Variants in SCUBE1 observed in about 807,000 individuals in gnomAD.
The protein encoded by SCUBE1 is signal peptide, CUB and EGF-like domain-containing protein 1.
Under a neutral mutation model 124.4 loss-of-function variants are expected in SCUBE1, and 59 were observed. The ratio of observed to expected loss-of-function variants is 0.47; its 90% CI spans 0.38 to 0.59. SCUBE1 has a LOEUF of 0.59. SCUBE1 is among the 20% of genes least tolerant of loss of function. The pLI, the probability that SCUBE1 is intolerant of heterozygous loss-of-function variation, is 0.00. For missense variants in SCUBE1, 1,150 were observed against 1,371.2 expected (o/e 0.84, Z 2.55); for synonymous variants, 545 against 550.9 (o/e 0.99, Z 0.15).
intron 3 of SCUBE1, among the ~76,000 whole-genome samples, chr22:43,306,304 A>T (rs1925967862): frequency 6.6e-6 from 1 of 152,030 alleles, no homozygotes; most frequent in African/African-American, 2.4e-5. Flanking sequence ...TTATTTATTT[A>T]TTTATTTTTT....
intron 4 of SCUBE1, 37 bp downstream of exon 4, chr22:43,291,009 G>C (rs769042618): frequency 4.0e-5 from 61 of 1,540,402 alleles, no homozygotes; most frequent in African/African-American, 1.6e-4. Flanking sequence ...GCCCATCCTG[G>C]GGGGGGACAT....
chr22:43,296,309 GCCTGCGTGTAGTGAGGCC>G (rs1925557715), intron 3 of SCUBE1, among the ~76,000 whole-genome samples: 1 of 152,250 alleles, frequency 6.6e-6, no homozygotes, highest in Non-Finnish European at 1.5e-5. Flanking sequence ...CCAGGGCTGA[GCCTGCGTGTAGTGAGGCC>G]CCTGAGTGGG....
chr22:43,209,327 G>A (rs1375548190), intron 19 of SCUBE1, among the ~76,000 whole-genome samples: 1 of 152,168 alleles, frequency 6.6e-6, no homozygotes, highest in East Asian at 1.9e-4. Context: ...CATGGAGCTC[G>A]CTCACATGGG....
At chr22:43,241,013 C>T (rs1305238173) in intron 6 of SCUBE1, among the ~76,000 whole-genome samples, 4 of 152,178 alleles carry the variant, frequency 2.6e-5, no homozygotes, top group Admixed American at 1.3e-4. Flanking sequence ...CGGGTCTCTG[C>T]GGAGGGGGAG....
chr22:43,220,123 T>C (rs1265167751), intron 14 of SCUBE1, among the ~76,000 whole-genome samples: 1 of 152,128 alleles, frequency 6.6e-6, no homozygotes, highest in Non-Finnish European at 1.5e-5. Context: ...GGCTCAACCA[T>C]TCTAGGGGGG....
At chr22:43,208,267 C>T in intron 19 of SCUBE1, 43 bp from the exon 20 acceptor site, 1 of 1,606,854 alleles carries the variant, frequency 6.2e-7, no homozygotes, top group South Asian at 1.1e-5. Flanking sequence ...AGGTAGGCAG[C>T]TCCTCCTGCC....
intron 14 of SCUBE1, among the ~76,000 whole-genome samples, chr22:43,219,620 C>T (rs962636732): frequency 3.9e-4 from 59 of 151,836 alleles, no homozygotes; most frequent in Non-Finnish European, 8.4e-4. Flanking sequence ...ATTACAGGTG[C>T]CTGCCACCAC....
chr22:43,300,682 C>T (rs5759267), intron 3 of SCUBE1, among the ~76,000 whole-genome samples: 7,639 of 152,096 alleles, frequency 0.05, 452 homozygotes, highest in East Asian at 0.29. Flanking sequence ...CTGTGGACAC[C>T]ACCTCCTTTC....
chr22:43,204,006 G>A lies in SCUBE1; in HGVS notation c.2958C>T (p.Pro986=). 6.2e-7 allele frequency: 1 copy of A among 1,614,156 alleles called. No homozygotes were observed. Among genetic ancestry groups the A allele is most frequent in the Non-Finnish European group, 8.5e-7 (1 of 1,180,004 alleles). The change falls in exon 22 of 22, where the codon CCC becomes CCT. Residue 986 remains proline (P), a synonymous_variant. Coordinates refer to ENST00000360835, the MANE Select transcript of SCUBE1 (RefSeq NM_173050.5). ...LRSKVSRFLR[P]YK ...GGGCCGCTCCCCCCGGTTATTTGTAGGGCCGCAGGAACCGAGACACTTTGG... is the reference window on the plus strand; with the variant it reads ...GGGCCGCTCCCCCCGGTTATTTGTAAGGCCGCAGGAACCGAGACACTTTGG...
At chr22:43,284,508 C>T (rs1265482728) in intron 4 of SCUBE1, among the ~76,000 whole-genome samples, 1 of 152,254 alleles carries the variant, frequency 6.6e-6, no homozygotes, top group Admixed American at 6.5e-5. Flanking sequence ...GTCCCAGAAC[C>T]TTCCCCATTG....
chr22:43,339,198 ATCTGTGCCC>A lies in SCUBE1; in HGVS notation c.117_125del (p.Glu39_Thr41del). The A allele has an allele frequency of 6.2e-7, 1 of 1,613,824 alleles. No individual in the cohort carries two copies. The highest frequency in any genetic ancestry group is 8.5e-7 in the Non-Finnish European group (1 of 1,179,784). On this transcript the variant is annotated inframe_deletion, in exon 2 of 22. Transcript: ENST00000360835. Reference sequence around the variant, plus strand: ...GACAGATGGCATCGATGTGGCAGTCATCTGTGCCCTCTGAGCACTCATCCACGTCGACTG... The same window carrying A: ...GACAGATGGCATCGATGTGGCAGTCATCTGAGCACTCATCCACGTCGACTG...
chr22:43,294,028 C>T (rs1925469371), intron 3 of SCUBE1, among the ~76,000 whole-genome samples: 1 of 152,154 alleles, frequency 6.6e-6, no homozygotes, highest in African/African-American at 2.4e-5. Context: ...GCTGTTTACT[C>T]TACTAGGGAA....
intron 7 of SCUBE1, among the ~76,000 whole-genome samples, chr22:43,236,400 C>G (rs1048819498): frequency 6.6e-6 from 1 of 152,248 alleles, no homozygotes; most frequent in African/African-American, 2.4e-5. Flanking sequence ...TGCTGCCAGT[C>G]CTGCCTTGGC....
At chr22:43,303,963 C>T (rs950715365) in intron 3 of SCUBE1, among the ~76,000 whole-genome samples, 2 of 152,226 alleles carry the variant, frequency 1.3e-5, no homozygotes, top group Non-Finnish European at 1.5e-5. Context: ...ACTTCTGACT[C>T]GCTGCTTTGT....
chr22:43,320,518 T>G (rs1926508236), intron 2 of SCUBE1, among the ~76,000 whole-genome samples: 1 of 152,230 alleles, frequency 6.6e-6, no homozygotes, highest in Non-Finnish European at 1.5e-5. Context: ...GCCAGTAGCC[T>G]TGATAAAGGT....
intron 3 of SCUBE1, among the ~76,000 whole-genome samples, chr22:43,292,140 G>C (rs1161288134): frequency 6.6e-6 from 1 of 152,164 alleles, no homozygotes; most frequent in Non-Finnish European, 1.5e-5. Context: ...GCACAGCACA[G>C]TGCCCCAAGG....
In SCUBE1 at chr22:43,211,326, C is replaced by T. The variant is rs1454244171; in HGVS notation, c.2222-243G>A. Among the ~76,000 whole-genome samples, 1 of 152,154 alleles carries T rather than the reference C, an allele frequency of 6.6e-6. No individual in the cohort carries two copies. The highest frequency in any genetic ancestry group is 2.4e-5 in the African/African-American group (1 of 41,424). On this transcript the variant is annotated intron_variant, in intron 17 of 21. Coordinates refer to ENST00000360835, the MANE Select transcript of SCUBE1 (RefSeq NM_173050.5). This position sits in a 1 kb window ranked among gnomAD's most constrained non-coding sequence, Gnocchi z 4.5. ...TGGCTCCAGCAAAACAGGGACCACA[C>T]AGGCCACCTTGATGGGAGCCATTTT...
At chr22:43,321,974 G>T (rs924732514) in intron 2 of SCUBE1, among the ~76,000 whole-genome samples, 18 of 152,230 alleles carry the variant, frequency 1.2e-4, no homozygotes, top group African/African-American at 3.9e-4. Flanking sequence ...AAGGCACATA[G>T]ATTTTATTTT....
chr22:43,275,871 C>T (rs1002232317), intron 4 of SCUBE1: 1 of 152,404 alleles, frequency 6.6e-6, no homozygotes, highest in Non-Finnish European at 1.5e-5. Flanking sequence ...TGGAGGAACT[C>T]GGAGGGGGGC....
Sources: gnomAD v4.1 joint callset for allele counts (sites outside exome capture counted in the v4.1 genomes callset) on GRCh38, gnomAD v4.1.1 for gene constraint, Gnocchi (gnomAD v3.1) non-coding constraint, MANE v1.5 for transcripts, NCBI Gene and HGNC (gene_info 2026-07-23, HGNC 2026-07-21) for gene names.